Variants in CLIC6 observed in about 807,000 individuals in gnomAD.
CLIC6 encodes CLIC family member 6.
A neutral mutation model predicts 49.2 loss-of-function variants in CLIC6; 39 were observed. The ratio of observed to expected loss-of-function variants is 0.79; its 90% confidence interval spans 0.61 to 1.04. The LOEUF (loss-of-function observed/expected upper bound fraction) is 1.04. CLIC6 is among the 50% of genes least tolerant of loss of function. CLIC6 has a pLI of 0.00. For synonymous variants in CLIC6, 446 were observed against 433.4 expected (o/e 1.03, Z -0.36); for missense variants, 988 against 993.1 (o/e 0.99, Z 0.07).
At chr21:34,698,800 A>G (rs1990135594) in intron 1 of CLIC6, among the ~76,000 whole-genome samples, 2 of 152,200 alleles carry the variant, frequency 1.3e-5, no homozygotes, top group African/African-American at 4.8e-5. Context: ...AGAATGACCT[A>G]AGGAAAATGG....
chr21:34,712,071 AT>A (rs1318506310), intron 5 of CLIC6, among the ~76,000 whole-genome samples: 2 of 152,168 alleles, frequency 1.3e-5, no homozygotes, highest in Non-Finnish European at 2.9e-5. Flanking sequence ...AGAAAAGACG[AT>A]TTTAAATTTC....
chr21:34,680,131 G>A (rs934499599), intron 1 of CLIC6, among the ~76,000 whole-genome samples: 12 of 152,224 alleles, frequency 7.9e-5, no homozygotes, highest in African/African-American at 2.9e-4. Flanking sequence ...GGACATCTTG[G>A]CATTTCCATA....
intron 1 of CLIC6, among the ~76,000 whole-genome samples, chr21:34,701,992 G>C (rs1288499210): frequency 6.6e-6 from 1 of 152,004 alleles, no homozygotes; most frequent in African/African-American, 2.4e-5. Flanking sequence ...GTGAGAATTT[G>C]TGAACTTCTG....
chr21:34,707,848 T>G, intron 2 of CLIC6, 96 bp from the exon 3 acceptor site: 1 of 1,333,908 alleles, frequency 7.5e-7, no homozygotes, highest in Non-Finnish European at 1.0e-6. Flanking sequence ...TTCTCAAGAG[T>G]TGCTTCTCTT....
In CLIC6 at chr21:34,707,394, G is replaced by C; in HGVS notation, c.1484+5G>C. 6.4e-7 allele frequency: 1 copy of C among 1,572,596 alleles called. No homozygotes were observed. Among genetic ancestry groups the C allele is most frequent in the Non-Finnish European group, 8.8e-7 (1 of 1,142,552 alleles). Reference sequence around the variant, plus strand: ...GACCACAGTGGACCTGAAAAGGTAAGACAAGGCGTCTGCCTTACTGAAATA... The same window carrying C: ...GACCACAGTGGACCTGAAAAGGTAACACAAGGCGTCTGCCTTACTGAAATA... On this transcript the variant is annotated splice_donor_5th_base_variant and intron_variant, in intron 2 of 5. Coordinates refer to ENST00000349499, the MANE Select transcript of CLIC6 (RefSeq NM_053277.3).
At chr21:34,709,216 ACATCCAC>A in intron 4 of CLIC6, 134 bp from the exon 5 acceptor site, 2 of 661,304 alleles carry the variant, frequency 3.0e-6, no homozygotes, top group Admixed American at 2.8e-5. Context: ...CAGATATTCT[ACATCCAC>A]CTGCTGCCTT....
chr21:34,671,261 T>C (rs1331923568), intron 1 of CLIC6, among the ~76,000 whole-genome samples: 2 of 152,024 alleles, frequency 1.3e-5, no homozygotes, highest in Non-Finnish European at 2.9e-5. Context: ...GGAGGTGCCT[T>C]CCAGACTCAA....
chr21:34,669,977 G>A lies in CLIC6; in HGVS notation c.589G>A (p.Gly197Arg), dbSNP rs1383789220. 7.2e-7 allele frequency: 1 copy of A among 1,385,700 alleles called. No individual in the cohort carries two copies. The highest frequency in any genetic ancestry group is 9.3e-7 in the Non-Finnish European group (1 of 1,078,678). The allele number at this position is 1,385,700 out of a possible 1,614,324, so 85.8% of individuals were successfully genotyped here. The change falls in exon 1 of 6, where the codon GGG becomes AGG. Residue 197 changes from glycine to arginine, a missense_variant. Transcript: ENST00000349499. ...CAGCGTAGACGCGGAAGGTCCGGCG[G>A]GGGACAGCGTAGACGCGGAGGGCCC... Reference protein sequence around the residue: ...GDSVDAEGPAGDSVDAEGPLG... With the variant: ...GDSVDAEGPARDSVDAEGPLG...
At position 34,670,153 on chromosome 21, in the gene CLIC6, G is replaced by T. The variant is rs1337084612; in HGVS notation, c.765G>T (p.Pro255=). Residue 255 remains proline, a synonymous_variant, in exon 1 of 6, where the codon CCG becomes CCT. Coordinates refer to ENST00000349499, the MANE Select transcript of CLIC6 (RefSeq NM_053277.3). The part of the protein sequence containing the change: ...RVGDSVEAGD[P]AGDGVEAGVP... ...GGGACAGCGTAGAGGCGGGGGACCC[G>T]GCGGGGGACGGCGTAGAAGCGGGGG... is the stretch of plus-strand genomic sequence containing the variant. The T allele has an allele frequency of 7.2e-7, 1 of 1,388,546 alleles. No individual in the cohort carries two copies. Among genetic ancestry groups the T allele is most frequent in the Admixed American group, 3.3e-5 (1 of 30,462 alleles). The allele number at this position is 1,388,546 out of a possible 1,614,324, so 86.0% of individuals were successfully genotyped here. A position where few individuals can be genotyped will look rare whatever the true frequency, so the allele number is the denominator to read the frequency against.
Position 34,670,267 on chromosome 21 carries a change from G to T in CLIC6, c.879G>T (p.Ser293=), listed in dbSNP as rs1228289991. The T allele has an allele frequency of 1.4e-6, 2 of 1,440,510 alleles. No homozygotes were observed. Among genetic ancestry groups the T allele is most frequent in the Non-Finnish European group, 1.8e-6 (2 of 1,103,554 alleles). The allele number at this position is 1,440,510 out of a possible 1,614,324, so 89.2% of individuals were successfully genotyped here. A position where few individuals can be genotyped will look rare whatever the true frequency, so the allele number is the denominator to read the frequency against. ...EGPAGRARRV[S]GEPQQSGDGS... ...CGGCAGGAAGGGCGCGCCGGGTCTC[G>T]GGTGAGCCGCAGCAATCGGGGGACG... is the stretch of plus-strand genomic sequence containing the variant. The change falls in exon 1 of 6, where the codon TCG becomes TCT. Residue 293 remains serine (S), a synonymous_variant. Transcript: ENST00000349499.
At chr21:34,706,046 G>T in intron 1 of CLIC6, 2 of 685,352 alleles carry the variant, frequency 2.9e-6, no homozygotes, top group African/African-American at 1.8e-5. Context: ...ACTGCATTAG[G>T]CTGTTCTCGC....
chr21:34,679,940 G>A (rs1476508931), intron 1 of CLIC6, among the ~76,000 whole-genome samples: 6 of 152,200 alleles, frequency 3.9e-5, no homozygotes. Context: ...GGTGCACAGT[G>A]CAAGCTATTG....
chr21:34,670,652 C>A lies in CLIC6; in HGVS notation c.1264C>A (p.Pro422Thr). 1 of 1,561,644 alleles carries A rather than the reference C, an allele frequency of 6.4e-7. No homozygotes were observed. The highest frequency in any genetic ancestry group is 8.6e-7 in the Non-Finnish European group (1 of 1,156,292). ...QLSNHLAEEG[P>T]AEGSGEAARV... is the part of the protein sequence containing the mutation. ...CAGCAACCACCTGGCCGAGGAGGGCCCCGCCGAGGGTAGCGGCGAGGCCGC... is the reference window on the plus strand; with the variant it reads ...CAGCAACCACCTGGCCGAGGAGGGCACCGCCGAGGGTAGCGGCGAGGCCGC... The change falls in exon 1 of 6, where the codon CCC becomes ACC. Residue 422 changes from proline (P) to threonine (T), a missense_variant. Around this residue, in one of 3 missense-constraint regions of CLIC6, gnomAD observed 647 missense variants for 596.9 expected, o/e 1.08. Coordinates refer to ENST00000349499, the MANE Select transcript of CLIC6 (RefSeq NM_053277.3).
At chr21:34,677,845 G>A (rs1482190946) in intron 1 of CLIC6, among the ~76,000 whole-genome samples, 1 of 152,056 alleles carries the variant, frequency 6.6e-6, no homozygotes, top group Non-Finnish European at 1.5e-5. Flanking sequence ...AGCAAACTGT[G>A]GCATGCAGGT....
At chr21:34,679,446 T>C (rs1007814794) in intron 1 of CLIC6, among the ~76,000 whole-genome samples, 3 of 152,168 alleles carry the variant, frequency 2.0e-5, no homozygotes, top group African/African-American at 7.2e-5. Context: ...AACCGTATCA[T>C]TCCACCCAGG....
chr21:34,693,592 G>C (rs1170910288), intron 1 of CLIC6, among the ~76,000 whole-genome samples: 2 of 152,192 alleles, frequency 1.3e-5, no homozygotes, highest in Non-Finnish European at 2.9e-5. Context: ...TTTTTGGCTA[G>C]AGGGACCTCA....
chr21:34,704,653 AGATCC>A (rs1319597032), intron 1 of CLIC6, among the ~76,000 whole-genome samples: 2 of 152,316 alleles, frequency 1.3e-5, no homozygotes, highest in South Asian at 4.1e-4. Context: ...TTCCAGTGGC[AGATCC>A]GAGAAGGAGC....
At chr21:34,701,682 A>G (rs1270031191) in intron 1 of CLIC6, among the ~76,000 whole-genome samples, 1 of 152,136 alleles carries the variant, frequency 6.6e-6, no homozygotes, top group East Asian at 1.9e-4. Flanking sequence ...CAACGCCAGC[A>G]CCCATTCCCG....
At chr21:34,696,395 TGG>T (rs1194180487) in intron 1 of CLIC6, among the ~76,000 whole-genome samples, 5 of 152,212 alleles carry the variant, frequency 3.3e-5, no homozygotes, top group Admixed American at 1.3e-4. Flanking sequence ...AGAGCAGAGC[TGG>T]GTAAAACAAA....
Sources: gnomAD v4.1 joint callset for allele counts (sites outside exome capture counted in the v4.1 genomes callset) on GRCh38, gnomAD v4.1.1 for gene constraint, gnomAD v4.1.1 regional missense constraint, MANE v1.5 for transcripts, NCBI Gene and HGNC (gene_info 2026-07-23, HGNC 2026-07-21) for gene names.